The following KLHL13 variants were observed in gnomAD, a reference collection of about 807,000 sequenced individuals.
The protein encoded by KLHL13 is kelch like family member 13.
Under a neutral mutation model 37.1 loss-of-function variants are expected in KLHL13, and 10 were observed. The ratio of observed to expected loss-of-function variants is 0.27; its 90% CI spans 0.17 to 0.46. KLHL13 has a LOEUF of 0.46. KLHL13 is among the 20% of genes least tolerant of loss of function. The pLI, the probability that KLHL13 is intolerant of heterozygous loss-of-function variation, is 1.00. For missense variants in KLHL13, 360 were observed against 509.3 expected (o/e 0.71, Z 2.82); for synonymous variants, 163 against 181.2 (o/e 0.90, Z 0.81).
At chrX:118,028,093 T>C (rs1018171839) in intron 1 of KLHL13, among the ~76,000 whole-genome samples, 1 of 112,045 alleles carries the variant, frequency 8.9e-6, no homozygotes, top group Non-Finnish European at 1.9e-5. Flanking sequence ...GGCACTTCTA[T>C]TCTTAAGCTA....
At chrX:117,978,286 T>C (rs985263825), upstream of KLHL13, among the ~76,000 whole-genome samples, 8 of 112,253 alleles carry the variant, frequency 7.1e-5, no homozygotes, top group African/African-American at 2.6e-4. Context: ...GCGTAGAGAA[T>C]TCCTCACACC....
At chrX:117,989,617 C>G (rs2053765998) in intron 1 of KLHL13, among the ~76,000 whole-genome samples, 1 of 110,833 alleles carries the variant, frequency 9.0e-6, no homozygotes, top group South Asian at 3.8e-4. Context: ...CTTCCCAATG[C>G]CAATTCCACA....
intron 1 of KLHL13, chrX:117,948,085 A>C (rs1401602655): frequency 9.0e-6 from 1 of 111,474 alleles, no homozygotes; most frequent in Non-Finnish European, 1.9e-5. Flanking sequence ...TAATGTCTGC[A>C]GACATTTTTC....
rs146793572 is a variant in KLHL13, at chrX:118,108,746, C to T, written c.-56+7762G>A. 8.5e-4 allele frequency among the ~76,000 whole-genome samples: 96 copies of T among 112,398 alleles called. 1 individual carries two copies. The highest frequency in any genetic ancestry group is 3.0e-3 in the African/African-American group (92 of 30,973). On this transcript the variant is annotated intron_variant, in intron 1 of 6. Coordinates refer to the KLHL13 transcript ENST00000371882. ...CAAGGCAAAGCTTTGACACCATGAA[C>T]TGTGCTGCTTTAAGTTTGTGGTCCT...
At chrX:118,086,972 C>T (rs1020134081) in intron 1 of KLHL13, among the ~76,000 whole-genome samples, 38 of 110,222 alleles carry the variant, frequency 3.4e-4, no homozygotes, top group Admixed American at 1.4e-3. Context: ...AAGGATGTTA[C>T]GCTACAAAAA....
At chrX:118,108,577 T>C (rs894011664) in intron 1 of KLHL13, among the ~76,000 whole-genome samples, 25 of 112,381 alleles carry the variant, frequency 2.2e-4, no homozygotes, top group Non-Finnish European at 2.8e-4. Flanking sequence ...AAGCACTTAA[T>C]CCTTGACAAC....
exon 2 of KLHL13, chrX:117,945,481 G>A: frequency 1.7e-6 from 2 of 1,209,023 alleles, no homozygotes; most frequent in Non-Finnish European, 2.2e-6. Flanking sequence ...ATGCGTGTAG[G>A]TCCTGCCTTG....
At chrX:117,998,388 T>C (rs1382148591) in intron 1 of KLHL13, among the ~76,000 whole-genome samples, 1 of 111,408 alleles carries the variant, frequency 9.0e-6, no homozygotes, top group African/African-American at 3.3e-5. Flanking sequence ...CAGGGAGAGT[T>C]GTACATAAGA....
Position 118,084,916 on chromosome X carries a change from C to T in KLHL13, c.-56+31592G>A, listed in dbSNP as rs1350560915. ...GGCATGTGGTGCGGTCCCAGCTACT[C>T]GGGAGGCTGAGGCAAAGAATCACTT... is the stretch of plus-strand genomic sequence containing the variant. On this transcript the variant is annotated intron_variant, in intron 1 of 6. Coordinates refer to the KLHL13 transcript ENST00000371882. Among the ~76,000 whole-genome samples, 7 of 109,398 alleles carry T rather than the reference C, an allele frequency of 6.4e-5. No homozygotes were observed. In the South Asian group the frequency reaches 2.4e-3, roughly 38 times the overall value. The allele number at this position is 109,398 out of a possible 115,157, so 95.0% of individuals were successfully genotyped here.
chrX:118,040,982 A>G lies in KLHL13; in HGVS notation c.-56+75526T>C, dbSNP rs898045337. On this transcript the variant is annotated intron_variant, in intron 1 of 6. Transcript: ENST00000371882. ...TATCTGGCAAAAATATCTTTCAAAC[A>G]TGAAGGAGAAATAAAGACCTTCCTT... Among the ~76,000 whole-genome samples, 8 of 112,167 alleles carry G rather than the reference A, an allele frequency of 7.1e-5. No homozygotes were observed. The Admixed American group carries it at 7.6e-4, about 11-fold the overall frequency.
At chrX:117,990,876 C>T (rs1337559737) in intron 1 of KLHL13, among the ~76,000 whole-genome samples, 1 of 111,799 alleles carries the variant, frequency 8.9e-6, no homozygotes, top group Non-Finnish European at 1.9e-5. Flanking sequence ...TTTCTCACCC[C>T]ATTTTCTGGC....
At chrX:117,962,808 A>G (rs142173285) in intron 1 of KLHL13, among the ~76,000 whole-genome samples, 2,608 of 111,958 alleles carry the variant, frequency 0.023, 63 homozygotes, top group African/African-American at 0.08. Context: ...ACGTGGCCCT[A>G]AATCTGAATT....
Position 118,096,234 on chromosome X carries a change from T to C in KLHL13, c.-56+20274A>G, listed in dbSNP as rs180859588. 5.0e-4 allele frequency among the ~76,000 whole-genome samples: 56 copies of C among 110,974 alleles called. 1 individual carries two copies. Among genetic ancestry groups the C allele is most frequent in the African/African-American group, 1.8e-3 (54 of 30,551 alleles). ...AGAATCAAATAGACACAATACAAAATGACAAAGGGGGTATCACCACCGATC... is the reference window on the plus strand; with the variant it reads ...AGAATCAAATAGACACAATACAAAACGACAAAGGGGGTATCACCACCGATC... On this transcript the variant is annotated intron_variant, in intron 1 of 6. Coordinates refer to the KLHL13 transcript ENST00000371882.
intron 1 of KLHL13, among the ~76,000 whole-genome samples, chrX:118,062,956 G>C (rs1379632286): frequency 9.0e-6 from 1 of 111,481 alleles, no homozygotes; most frequent in African/African-American, 3.2e-5. Flanking sequence ...GAAATTGGAA[G>C]CAAAGAATAA....
intron 1 of KLHL13, among the ~76,000 whole-genome samples, chrX:118,073,039 A>AGG (rs1168855991): frequency 9.1e-6 from 1 of 109,330 alleles, no homozygotes; most frequent in Non-Finnish European, 1.9e-5. Flanking sequence ...GGCTTCAGCG[A>AGG]ACCAAGACTG....
At chrX:117,963,495 C>T (rs2053341994) in intron 1 of KLHL13, among the ~76,000 whole-genome samples, 1 of 110,829 alleles carries the variant, frequency 9.0e-6, no homozygotes, top group Admixed American at 9.6e-5. Flanking sequence ...TTTTCCAAGT[C>T]TTTGCTATTG....
intron 1 of KLHL13, among the ~76,000 whole-genome samples, chrX:118,029,797 C>T (rs773982720): frequency 1.8e-5 from 2 of 110,040 alleles, no homozygotes; most frequent in Admixed American, 9.8e-5. Flanking sequence ...GACAACACCC[C>T]GTCTCTATAA....
intron 1 of KLHL13, among the ~76,000 whole-genome samples, chrX:118,061,880 T>C (rs2054746246): frequency 8.9e-6 from 1 of 111,869 alleles, no homozygotes; most frequent in African/African-American, 3.2e-5. Flanking sequence ...ATTCTATGTG[T>C]TAAAAAAAAT....
At chrX:117,987,427 T>A (rs2053741046) in intron 1 of KLHL13, among the ~76,000 whole-genome samples, 1 of 111,201 alleles carries the variant, frequency 9.0e-6, no homozygotes, top group Non-Finnish European at 1.9e-5. Flanking sequence ...GGGTTAATAA[T>A]GTTAGCTAGG....
Sources: gnomAD v4.1 joint callset for allele counts (sites outside exome capture counted in the v4.1 genomes callset) on GRCh38, gnomAD v4.1.1 for gene constraint, MANE v1.5 for transcripts, NCBI Gene and HGNC (gene_info 2026-07-23, HGNC 2026-07-21) for gene names.